Variants in TMEM217 observed in about 807,000 individuals in gnomAD.
The protein encoded by TMEM217 is transmembrane protein 217.
For missense variants in TMEM217, 204 were observed against 248.8 expected, an observed-to-expected ratio of 0.82 and a Z score of 1.21; for synonymous variants, 76 against 88.3, an observed-to-expected ratio of 0.86 and a Z score of 0.78.
chr6:37,229,342 T>TTTG lies in TMEM217; in HGVS notation c.-11-10302_-11-10301insCAA, dbSNP rs946097231. Among the ~76,000 whole-genome samples the TTTG allele has an allele frequency of 1.1e-4, 14 of 125,812 alleles. 1 individual carries two copies. Among genetic ancestry groups the TTTG allele is most frequent in the Admixed American group, 8.0e-4 (10 of 12,478 alleles). 82.5% of individuals were successfully genotyped at this position (125,812 alleles called of 152,430 possible). A position where few individuals can be genotyped will look rare whatever the true frequency, so the allele number is the denominator to read the frequency against. ...TCTCCCTAGCAACTTTCAGTTTTTT[T>TTTG]TTTTTTTTTTTTTTTTTTGAGACAG... On this transcript the variant is annotated intron_variant, in intron 1 of 1. Coordinates refer to ENST00000357219, the Ensembl canonical transcript of TMEM217.
chr6:37,230,954 TTTGTTGTTG>T (rs917498213), intron 1 of TMEM217, among the ~76,000 whole-genome samples: 18 of 152,132 alleles, frequency 1.2e-4, no homozygotes, highest in Non-Finnish European at 2.5e-4. Context: ...ATTGTTTGTT[TTTGTTGTTG>T]TTGTTGTTTA....
intron 1 of TMEM217, among the ~76,000 whole-genome samples, chr6:37,234,677 A>C (rs1156815349): frequency 6.6e-6 from 1 of 152,120 alleles, no homozygotes; most frequent in Non-Finnish European, 1.5e-5. Flanking sequence ...CAGAGGTTGC[A>C]CTGAGCCGAG....
At chr6:37,239,858 C>T (rs188147389) in intron 1 of TMEM217, among the ~76,000 whole-genome samples, 63 of 150,336 alleles carry the variant, frequency 4.2e-4, no homozygotes, top group Middle Eastern at 6.8e-3. Flanking sequence ...GGTTTCAGAC[C>T]AGCCTGGGCA....
At chr6:37,257,244 G>A (rs899220848) in intron 1 of TMEM217, among the ~76,000 whole-genome samples, 3 of 152,146 alleles carry the variant, frequency 2.0e-5, no homozygotes, top group African/African-American at 7.2e-5. Flanking sequence ...ATAAACAGAG[G>A]GAGAGGGAGA....
chr6:37,231,354 G>A (rs10947665), intron 1 of TMEM217, among the ~76,000 whole-genome samples: 97,760 of 149,202 alleles, frequency 0.66, 32,154 homozygotes, highest in East Asian at 0.84. Context: ...ACAGGCGTGA[G>A]TGATCACACC....
chr6:37,245,619 T>A (rs1293353316), intron 1 of TMEM217, among the ~76,000 whole-genome samples: 1 of 152,072 alleles, frequency 6.6e-6, no homozygotes, highest in Non-Finnish European at 1.5e-5. Flanking sequence ...ATTCTCCGTA[T>A]GTGGGAAAGG....
exon 2 of TMEM217, chr6:37,218,326 G>A (rs1030035708): frequency 5.1e-6 from 6 of 1,174,168 alleles, no homozygotes; most frequent in South Asian, 3.2e-5. Flanking sequence ...GTGCCGCCAC[G>A]CCTGGCTAAT....
At chr6:37,215,570 C>CAAAAAAAAAAAAAAAAAAAAAAAAAAAA (rs34808595), downstream of TMEM217, among the ~76,000 whole-genome samples, 3 of 72,376 alleles carry the variant, frequency 4.1e-5, no homozygotes, top group African/African-American at 1.2e-4. Context: ...GACTCTGTCT[C>CAAAAAAAAAAAAAAAAAAAAAAAAAAAA]AAAAAAAAAA....
chr6:37,246,750 T>A (rs1244578221), intron 1 of TMEM217, among the ~76,000 whole-genome samples: 4 of 151,854 alleles, frequency 2.6e-5, no homozygotes, highest in Non-Finnish European at 1.5e-5. Flanking sequence ...AAAATAATTT[T>A]AAAAATTAGC....
At chr6:37,233,062 T>C (rs2113862400) in intron 1 of TMEM217, among the ~76,000 whole-genome samples, 1 of 152,300 alleles carries the variant, frequency 6.6e-6, no homozygotes, top group Middle Eastern at 3.4e-3. Context: ...TGGTCTTCAG[T>C]TTGGAGCTTT....
chr6:37,258,111 G>A, exon 1 of TMEM217: 1 of 982,728 alleles, frequency 1.0e-6, no homozygotes, highest in Non-Finnish European at 1.5e-6. Context: ...GTGGCGGCAG[G>A]GCAGCTGTCA....
chr6:37,237,563 A>C (rs1320311292), intron 1 of TMEM217, among the ~76,000 whole-genome samples: 1 of 152,236 alleles, frequency 6.6e-6, no homozygotes, highest in African/African-American at 2.4e-5. Flanking sequence ...CAAAGCTTGA[A>C]TGTAACAGAA....
intron 1 of TMEM217, among the ~76,000 whole-genome samples, chr6:37,250,379 T>C (rs1261575702): frequency 1.3e-5 from 2 of 152,204 alleles, no homozygotes; most frequent in African/African-American, 4.8e-5. Context: ...AATCAAACTG[T>C]GCATATTAGT....
At position 37,217,845 on chromosome 6, in the gene TMEM217, C is replaced by G. The variant is rs911338585; in HGVS notation, c.*577G>C. 8 of 985,356 alleles carry G rather than the reference C, an allele frequency of 8.1e-6. No homozygotes were observed. The African/African-American group carries it at 1.4e-4, about 17-fold the overall frequency. 61.0% of individuals were successfully genotyped at this position (985,356 alleles called of 1,614,324 possible). A position where few individuals can be genotyped will look rare whatever the true frequency, so the allele number is the denominator to read the frequency against. ...TGAAGATGCCAAGAAAAAAGGATTGCCCTACTGCAATTCAGCTTCATCTTA... is the reference window on the plus strand; with the variant it reads ...TGAAGATGCCAAGAAAAAAGGATTGGCCTACTGCAATTCAGCTTCATCTTA... On this transcript the variant is annotated 3_prime_UTR_variant, in exon 2 of 2. Coordinates refer to ENST00000357219, the Ensembl canonical transcript of TMEM217.
chr6:37,254,250 T>C (rs976477419), intron 1 of TMEM217, among the ~76,000 whole-genome samples: 4 of 152,120 alleles, frequency 2.6e-5, no homozygotes, highest in African/African-American at 7.2e-5. Flanking sequence ...CAATATAGTA[T>C]AGGAAGCACT....
chr6:37,216,017 G>A (rs1442173238), downstream of TMEM217, among the ~76,000 whole-genome samples: 2 of 150,738 alleles, frequency 1.3e-5, no homozygotes, highest in Non-Finnish European at 3.0e-5. Flanking sequence ...GTGTGTGTGT[G>A]TGTGTGTGTG....
At chr6:37,219,334 C>T (rs1418843796) in intron 1 of TMEM217, among the ~76,000 whole-genome samples, 1 of 152,160 alleles carries the variant, frequency 6.6e-6, no homozygotes, top group Admixed American at 6.5e-5. Flanking sequence ...CCACCACAGA[C>T]CAATCACAAC....
intron 1 of TMEM217, among the ~76,000 whole-genome samples, chr6:37,247,534 C>T (rs900996684): frequency 4.6e-5 from 7 of 151,860 alleles, no homozygotes; most frequent in African/African-American, 7.3e-5. Context: ...ACTACAGGTG[C>T]GTGCCACCAC....
intron 1 of TMEM217, among the ~76,000 whole-genome samples, chr6:37,245,743 G>A (rs1414437858): frequency 1.3e-5 from 2 of 151,964 alleles, no homozygotes; most frequent in Non-Finnish European, 2.9e-5. Flanking sequence ...GGAGGAGGAG[G>A]AGATGGAGGA....
Sources: gnomAD v4.1 joint callset for allele counts (sites outside exome capture counted in the v4.1 genomes callset) on GRCh38, gnomAD v4.1.1 for gene constraint, MANE v1.5 for transcripts, NCBI Gene and HGNC (gene_info 2026-07-23, HGNC 2026-07-21) for gene names.